Variants in GALNT17 observed in about 807,000 individuals in gnomAD.
The protein encoded by GALNT17 is polypeptide N-acetylgalactosaminyltransferase 17.
GALNT17 carries 29 observed loss-of-function variants against 63.7 expected under a neutral mutation model. That is an observed-to-expected ratio of 0.46 (90% confidence interval 0.34 to 0.62). The LOEUF is 0.62. Ranked by LOEUF, GALNT17 falls within the 20% of genes least tolerant of loss-of-function variation. The pLI is 0.01. For missense variants in GALNT17, 603 were observed against 799.6 expected (o/e 0.75, Z 2.97); for synonymous variants, 305 against 318.3 (o/e 0.96, Z 0.45).
At chr7:71,425,291 C>T (rs190763628) in intron 5 of GALNT17, among the ~76,000 whole-genome samples, 15 of 152,034 alleles carry the variant, frequency 9.9e-5, no homozygotes, top group Middle Eastern at 3.4e-3. Flanking sequence ...GGAGCGATCT[C>T]GGCTCGCTGC....
chr7:71,653,732 G>T (rs1320758733), intron 6 of GALNT17, among the ~76,000 whole-genome samples: 1 of 152,130 alleles, frequency 6.6e-6, no homozygotes, highest in Non-Finnish European at 1.5e-5. Flanking sequence ...TTGAAGCAGG[G>T]CCCAAAGGTC....
At position 71,671,545 on chromosome 7, in the gene GALNT17, A is replaced by G. The variant is rs111583963; in HGVS notation, c.1404+1436A>G. Among the ~76,000 whole-genome samples the G allele has an allele frequency of 6.2e-3, 948 of 152,336 alleles. 8 individuals carry two copies. The highest frequency in any genetic ancestry group is 0.01 in the Non-Finnish European group (710 of 68,044). ...CTCACATCTTGCAAGGGCAGTCTCT[A>G]GGGCGGTTAGGGATACATGAAGACT... On this transcript the variant is annotated intron_variant, in intron 8 of 10. Transcript: ENST00000333538.
chr7:71,194,755 C>T (rs117046518), intron 1 of GALNT17, among the ~76,000 whole-genome samples: 3,071 of 152,302 alleles, frequency 0.02, 35 homozygotes, highest in Middle Eastern at 0.041. Context: ...CCAAAAGCAA[C>T]TTCAGTTTTT....
intron 1 of GALNT17, among the ~76,000 whole-genome samples, chr7:71,182,044 G>A (rs749323820): frequency 1.2e-4 from 18 of 151,690 alleles, no homozygotes; most frequent in South Asian, 4.2e-4. Flanking sequence ...GCGTGGTGGC[G>A]CATGCCTGTA....
At chr7:71,420,473 T>G (rs1176818087) in intron 4 of GALNT17, among the ~76,000 whole-genome samples, 1 of 152,128 alleles carries the variant, frequency 6.6e-6, no homozygotes, top group Non-Finnish European at 1.5e-5. Context: ...GGAAAGGGAA[T>G]TCAGTGCCAG....
At chr7:71,577,207 A>G (rs1473759587) in intron 6 of GALNT17, among the ~76,000 whole-genome samples, 1 of 152,160 alleles carries the variant, frequency 6.6e-6, no homozygotes, top group African/African-American at 2.4e-5. Context: ...ACCAGGGACT[A>G]CTAGAGTGGG....
At chr7:71,472,152 CAA>C (rs1787642979) in intron 5 of GALNT17, among the ~76,000 whole-genome samples, 4 of 152,156 alleles carry the variant, frequency 2.6e-5, no homozygotes, top group Middle Eastern at 3.4e-3. Context: ...TGGAAAGAGA[CAA>C]GAGAGCTCTC....
At chr7:71,452,745 T>G (rs1198120151) in intron 5 of GALNT17, among the ~76,000 whole-genome samples, 2 of 152,186 alleles carry the variant, frequency 1.3e-5, no homozygotes, top group Admixed American at 6.5e-5. Flanking sequence ...GTCTACTTTC[T>G]AGTGCAGTAT....
intron 5 of GALNT17, among the ~76,000 whole-genome samples, chr7:71,549,007 G>A (rs1029657417): frequency 6.6e-6 from 1 of 152,142 alleles, no homozygotes; most frequent in Non-Finnish European, 1.5e-5. Flanking sequence ...TGAGCCTCTG[G>A]GGGTTATGGA....
chr7:71,288,914 A>G (rs1790926872), intron 1 of GALNT17, among the ~76,000 whole-genome samples: 1 of 152,352 alleles, frequency 6.6e-6, no homozygotes, highest in South Asian at 2.1e-4. Context: ...TCGCTGAAAC[A>G]TGATTTGGCT....
chr7:71,511,777 G>A (rs1416894195), intron 5 of GALNT17, among the ~76,000 whole-genome samples: 1 of 152,112 alleles, frequency 6.6e-6, no homozygotes, highest in African/African-American at 2.4e-5. Context: ...TGGCAGTCCT[G>A]CATATCACCC....
intron 9 of GALNT17, among the ~76,000 whole-genome samples, chr7:71,683,287 C>A (rs1001456079): frequency 1.3e-5 from 2 of 152,028 alleles, no homozygotes; most frequent in Admixed American, 6.6e-5. Flanking sequence ...GCCAGGCGGT[C>A]CCTCTACTCA....
intron 6 of GALNT17, among the ~76,000 whole-genome samples, chr7:71,636,536 C>T (rs941156529): frequency 1.3e-5 from 2 of 152,104 alleles, no homozygotes; most frequent in East Asian, 1.9e-4. Context: ...TCCGTTTGCT[C>T]CAGTAAATAG....
chr7:71,688,644 A>G (rs913246410), intron 9 of GALNT17, among the ~76,000 whole-genome samples: 2 of 152,176 alleles, frequency 1.3e-5, no homozygotes, highest in Admixed American at 6.5e-5. Flanking sequence ...AAATATTCCA[A>G]ATATTCTGTT....
chr7:71,209,632 A>C (rs2116388997), intron 1 of GALNT17, among the ~76,000 whole-genome samples: 1 of 152,292 alleles, frequency 6.6e-6, no homozygotes, highest in South Asian at 2.1e-4. Context: ...AGTATCTGGG[A>C]CTGCAGGTGT....
chr7:71,678,780 G>GT (rs1194930685), intron 9 of GALNT17, among the ~76,000 whole-genome samples: 2 of 126,432 alleles, frequency 1.6e-5, no homozygotes, highest in Admixed American at 1.8e-4. Flanking sequence ...GTGCGACAGA[G>GT]TGAGACTCTG....
At chr7:71,309,688 T>C (rs939464694) in intron 1 of GALNT17, among the ~76,000 whole-genome samples, 26 of 152,186 alleles carry the variant, frequency 1.7e-4, no homozygotes, top group Non-Finnish European at 1.5e-5. Flanking sequence ...ATAAGAGTTA[T>C]GTTAAGGAAT....
At position 71,504,084 on chromosome 7, in the gene GALNT17, C is replaced by T. The variant is rs145218137; in HGVS notation, c.963-67201C>T. Among the ~76,000 whole-genome samples the T allele has an allele frequency of 4.4e-3, 667 of 152,086 alleles. 6 individuals are homozygous for T. The highest frequency in any genetic ancestry group is 0.015 in the African/African-American group (630 of 41,484). Reference sequence around the variant, plus strand: ...TCTACCAAAAATACAAAAAATTATCCGGGCATGGTGGCGGGAACCTGTAGT... The same window carrying T: ...TCTACCAAAAATACAAAAAATTATCTGGGCATGGTGGCGGGAACCTGTAGT... On this transcript the variant is annotated intron_variant, in intron 5 of 10. Transcript: ENST00000333538.
chr7:71,652,850 C>T (rs1004207623), intron 6 of GALNT17, among the ~76,000 whole-genome samples: 3 of 152,174 alleles, frequency 2.0e-5, no homozygotes, highest in South Asian at 4.1e-4. Context: ...CGCCATAGCT[C>T]GCCCATCTGG....
Sources: gnomAD v4.1 joint callset for allele counts (sites outside exome capture counted in the v4.1 genomes callset) on GRCh38, gnomAD v4.1.1 for gene constraint, MANE v1.5 for transcripts, NCBI Gene and HGNC (gene_info 2026-07-23, HGNC 2026-07-21) for gene names.